The following CHERP variants were observed in gnomAD, a reference collection of about 807,000 sequenced individuals.
The protein encoded by CHERP is calcium homeostasis endoplasmic reticulum protein.
Under a neutral mutation model 113.8 loss-of-function variants are expected in CHERP, and 8 were observed. That is an observed-to-expected ratio of 0.07 (90% CI 0.04 to 0.13). The LOEUF (loss-of-function observed/expected upper bound fraction) is 0.13, where lower values mean the gene tolerates loss of function less well. Among genes scored for constraint, CHERP ranks in the 10% least tolerant of loss-of-function variants. The pLI, the probability that CHERP is intolerant of heterozygous loss-of-function variation, is 1.00. For synonymous variants in CHERP, 559 were observed against 524.5 expected (o/e 1.07, Z -0.90); for missense variants, 884 against 1,298.2 (o/e 0.68, Z 4.90).
intron 5 of CHERP, among the ~76,000 whole-genome samples, chr19:16,531,206 G>A (rs79129627): frequency 0.052 from 7,894 of 152,286 alleles, 286 homozygotes; most frequent in South Asian, 0.065. Context: ...GATATGGGCC[G>A]GCGGGAGCCC....
rs1321623363 is a variant in CHERP at position 16,532,831 on chromosome 19, T to C, written c.523-82A>G. 3.2e-6 allele frequency: 5 copies of C among 1,556,482 alleles called. No individual in the cohort carries two copies. The African/African-American group carries it at 4.0e-5, about 13-fold the overall frequency. On this transcript the variant is annotated intron_variant, in intron 4 of 16. Coordinates refer to ENST00000546361, the MANE Select transcript of CHERP (RefSeq NM_006387.6). The surrounding 1 kb of genome is among the most constrained non-coding windows in gnomAD (Gnocchi z 4.4). ...CTGCATCCCTGAGAGCGCGTCACCA[T>C]CAGCTCAGGGAAGGACACACCATGA...
Position 16,535,751 on chromosome 19 carries a change from AG to A in CHERP, c.200-116del. ...CCTCCCCAGGGACTCACCATCCACGAGGGCCTGTTCATAGCCTCATGCCCAC... is the reference window on the plus strand; with the variant it reads ...CCTCCCCAGGGACTCACCATCCACGAGGCCTGTTCATAGCCTCATGCCCAC... On this transcript the variant is annotated intron_variant, in intron 2 of 16. Transcript: ENST00000546361. The surrounding 1 kb of genome is among the most constrained non-coding windows in gnomAD (Gnocchi z 4.3). 1 of 1,037,528 alleles carries A rather than the reference AG, an allele frequency of 9.6e-7. No individual in the cohort carries two copies. The highest frequency in any genetic ancestry group is 1.4e-6 in the Non-Finnish European group (1 of 737,614). The allele number at this position is 1,037,528 out of a possible 1,614,324, so 64.3% of individuals were successfully genotyped here. A position where few individuals can be genotyped will look rare whatever the true frequency, so the allele number is the denominator to read the frequency against.
rs747386583 is a variant in CHERP, at chr19:16,520,282, C to T, written c.2346-17G>A. 1.2e-6 allele frequency: 2 copies of T among 1,613,216 alleles called. No individual in the cohort carries two copies. The highest frequency in any genetic ancestry group is 1.7e-5 in the Admixed American group (1 of 59,972). On this transcript the variant is annotated splice_polypyrimidine_tract_variant and intron_variant, in intron 14 of 16. Transcript: ENST00000546361. The surrounding 1 kb of genome is among the most constrained non-coding windows in gnomAD (Gnocchi z 4.0). Reference sequence around the variant, plus strand: ...CTCCGACTTCTGCAGGGAAGGGTGCCCAAGGGTCAGCAGCAGCCAGGCGTC... The same window carrying T: ...CTCCGACTTCTGCAGGGAAGGGTGCTCAAGGGTCAGCAGCAGCCAGGCGTC...
Position 16,535,490 on chromosome 19 carries a change from G to A in CHERP, c.346C>T (p.Leu116Phe). ...DELIQQSQWN[L>F]QQQEQHLLAL... Reference sequence around the variant, plus strand: ...AGCAAGTGCTGCTCCTGCTGCTGGAGGTTCCACTGGCTCTGCTGGATGAGC... The same window carrying A: ...AGCAAGTGCTGCTCCTGCTGCTGGAAGTTCCACTGGCTCTGCTGGATGAGC... Residue 116 changes from leucine to phenylalanine, a missense_variant, in exon 3 of 17, where the codon CTC (leucine) becomes TTC (phenylalanine). Leu to Phe is a conservative substitution (Grantham distance 22). Transcript: ENST00000546361. The surrounding 1 kb of genome is among the most constrained non-coding windows in gnomAD (Gnocchi z 4.3). 6.2e-7 allele frequency: 1 copy of A among 1,610,036 alleles called. No homozygotes were observed. Among genetic ancestry groups the A allele is most frequent in the Non-Finnish European group, 8.5e-7 (1 of 1,178,340 alleles).
intron 2 of CHERP, among the ~76,000 whole-genome samples, chr19:16,538,462 ATCATGAGT>A (rs1322914207): frequency 6.6e-6 from 1 of 152,214 alleles, no homozygotes; most frequent in Non-Finnish European, 1.5e-5. Flanking sequence ...AGGTGGGCGG[ATCATGAGT>A]TCAAGAGATC....
rs1227017763 is a variant in CHERP at position 16,520,338 on chromosome 19, A to G, written c.2345+26T>C. Reference sequence around the variant, plus strand: ...GAGGCCACAGGAAGAGGCCTCAGGCACTGCCCTGAGGCAGCCTCTGCCTAC... The same window carrying G: ...GAGGCCACAGGAAGAGGCCTCAGGCGCTGCCCTGAGGCAGCCTCTGCCTAC... On this transcript the variant is annotated intron_variant, in intron 14 of 16. Coordinates refer to ENST00000546361, the MANE Select transcript of CHERP (RefSeq NM_006387.6). This position sits in a 1 kb window ranked among gnomAD's most constrained non-coding sequence, Gnocchi z 4.0. 2 of 1,611,304 alleles carry G rather than the reference A, an allele frequency of 1.2e-6. No homozygotes were observed. The highest frequency in any genetic ancestry group is 2.2e-5 in the East Asian group (1 of 44,868).
intron 2 of CHERP, chr19:16,539,578 T>G (rs2085764324): frequency 6.6e-6 from 1 of 152,142 alleles, no homozygotes; most frequent in Non-Finnish European, 1.5e-5. Context: ...ATCTCAAACC[T>G]AAATAGGCAT....
intron 2 of CHERP, among the ~76,000 whole-genome samples, chr19:16,536,949 T>C (rs887027547): frequency 3.9e-5 from 6 of 152,012 alleles, no homozygotes; most frequent in African/African-American, 7.3e-5. Flanking sequence ...AAGGTGGAGG[T>C]TGCAGTGAGC....
At position 16,520,386 on chromosome 19, in the gene CHERP, A is replaced by C; in HGVS notation, c.2323T>G (p.Ser775Ala). 6.2e-7 allele frequency: 1 copy of C among 1,613,826 alleles called. No homozygotes were observed. The highest frequency in any genetic ancestry group is 8.5e-7 in the Non-Finnish European group (1 of 1,179,930). ...SRSRSRSCSR[S>A]YSRSRSRSRS... ...TACCTAGATCTGGAGCGGGAGTAGGAACGGGAGCAGGAGCGCGACCTTGAC... is the reference window on the plus strand; with the variant it reads ...TACCTAGATCTGGAGCGGGAGTAGGCACGGGAGCAGGAGCGCGACCTTGAC... Residue 775 changes from serine (S) to alanine (A), a missense_variant, in exon 14 of 17, where the codon TCC becomes GCC. By Grantham distance (99) the Ser-to-Ala change is moderately conservative. This residue lies in a region of CHERP where 159 missense variants were observed against 185.8 expected (regional missense o/e 0.86). Coordinates refer to ENST00000546361, the MANE Select transcript of CHERP (RefSeq NM_006387.6). This position sits in a 1 kb window ranked among gnomAD's most constrained non-coding sequence, Gnocchi z 4.0.
intron 8 of CHERP, among the ~76,000 whole-genome samples, chr19:16,528,773 G>GA (rs1199031712): frequency 6.6e-6 from 1 of 152,190 alleles, no homozygotes; most frequent in Non-Finnish European, 1.5e-5. Context: ...CTAACACGGT[G>GA]AAACCCCGTC....
chr19:16,525,188 C>T lies in CHERP; in HGVS notation c.1741+54G>A. On this transcript the variant is annotated intron_variant, in intron 10 of 16. Transcript: ENST00000546361. This position sits in a 1 kb window ranked among gnomAD's most constrained non-coding sequence, Gnocchi z 6.5. ...CAAGCAGCGCCACCAGCCTGCTCGG[C>T]AGGCGAGCCGTGGATGCCTCCGCCA... The T allele has an allele frequency of 7.3e-7, 1 of 1,377,424 alleles. No individual in the cohort carries two copies. The highest frequency in any genetic ancestry group is 1.5e-5 in the African/African-American group (1 of 65,388). The allele number at this position is 1,377,424 out of a possible 1,614,324, so 85.3% of individuals were successfully genotyped here.
In CHERP at chr19:16,533,471, A is replaced by T. The variant is rs1010439325; in HGVS notation, c.385-323T>A. Among the ~76,000 whole-genome samples, 10 of 152,256 alleles carry T rather than the reference A, an allele frequency of 6.6e-5. No individual in the cohort carries two copies. In the East Asian group the frequency reaches 1.9e-3, roughly 29 times the overall value. On this transcript the variant is annotated intron_variant, in intron 3 of 16. Transcript: ENST00000546361. Reference sequence around the variant, plus strand: ...CCTCTGCAAACCAACTCAACAAAAAACAAAGGCGGGGCGCGGTGGCTCATG... The same window carrying T: ...CCTCTGCAAACCAACTCAACAAAAATCAAAGGCGGGGCGCGGTGGCTCATG...
At position 16,520,633 on chromosome 19, in the gene CHERP, C is replaced by T; in HGVS notation, c.2202-126G>A. On this transcript the variant is annotated intron_variant, in intron 13 of 16. Transcript: ENST00000546361. This position sits in a 1 kb window ranked among gnomAD's most constrained non-coding sequence, Gnocchi z 4.0. ...GGCTGTGGATGTGGCGCCATAGCCACAGCAACGGTACCAAGTTCCTAAATA... is the reference window on the plus strand; with the variant it reads ...GGCTGTGGATGTGGCGCCATAGCCATAGCAACGGTACCAAGTTCCTAAATA... The T allele has an allele frequency of 8.0e-7, 1 of 1,243,664 alleles. No homozygotes were observed. Among genetic ancestry groups the T allele is most frequent in the Middle Eastern group, 2.5e-4 (1 of 4,048 alleles). 77.0% of individuals were successfully genotyped at this position (1,243,664 alleles called of 1,614,324 possible).
In CHERP at chr19:16,532,357, G is replaced by A; in HGVS notation, c.674+241C>T. 2 of 483,464 alleles carry A rather than the reference G, an allele frequency of 4.1e-6. No homozygotes were observed. Among genetic ancestry groups the A allele is most frequent in the Non-Finnish European group, 7.3e-6 (2 of 273,116 alleles). The allele number at this position is 483,464 out of a possible 1,614,324, so 29.9% of individuals were successfully genotyped here. A position where few individuals can be genotyped will look rare whatever the true frequency, so the allele number is the denominator to read the frequency against. ...AGGAGACAGCAATGTGACAGGTGAGGCCGGGGTCTAGGGGAGAGGACAGGG... is the reference window on the plus strand; with the variant it reads ...AGGAGACAGCAATGTGACAGGTGAGACCGGGGTCTAGGGGAGAGGACAGGG... On this transcript the variant is annotated intron_variant, in intron 5 of 16. Coordinates refer to ENST00000546361, the MANE Select transcript of CHERP (RefSeq NM_006387.6). The surrounding 1 kb of genome is among the most constrained non-coding windows in gnomAD (Gnocchi z 4.4).
chr19:16,524,906 G>A (rs960804604), intron 10 of CHERP, among the ~76,000 whole-genome samples: 6 of 151,906 alleles, frequency 3.9e-5, no homozygotes, highest in African/African-American at 1.5e-4. Context: ...TTTTTTAAAC[G>A]AACTAATACA....
Position 16,528,749 on chromosome 19 carries a change from C to A in CHERP, c.1130-494G>T, listed in dbSNP as rs181373904. 3.0e-4 allele frequency among the ~76,000 whole-genome samples: 46 copies of A among 152,232 alleles called. No homozygotes were observed. In the South Asian group the frequency reaches 8.3e-3, roughly 27 times the overall value. ...TGGGTGGATCCCAAGGTCAGGAGAT[C>A]GAGACCATCCTGGCTAACACGGTGA... On this transcript the variant is annotated intron_variant, in intron 8 of 16. Coordinates refer to ENST00000546361, the MANE Select transcript of CHERP (RefSeq NM_006387.6).
rs2085633374 is a variant in CHERP, at chr19:16,523,212, G to A, written c.1820C>T (p.Pro607Leu). 12 of 1,594,604 alleles carry A rather than the reference G, an allele frequency of 7.5e-6. No individual in the cohort carries two copies. The highest frequency in any genetic ancestry group is 1.0e-5 in the Non-Finnish European group (12 of 1,172,396). The change falls in exon 11 of 17, where the codon CCC becomes CTC. Residue 607 changes from proline (P) to leucine (L), a missense_variant. This residue lies in a region of CHERP where 464 missense variants were observed against 590.1 expected (regional missense o/e 0.79). Coordinates refer to ENST00000546361, the MANE Select transcript of CHERP (RefSeq NM_006387.6). The surrounding 1 kb of genome is among the most constrained non-coding windows in gnomAD (Gnocchi z 4.0). ...GINEHPPWAG[P>L]QHPDFGPPPH... ...GGGAGGGCCGAAGTCAGGGTGCTGG[G>A]GTCCAGCCCAAGGCGGGTGCTCGTT... is the stretch of plus-strand genomic sequence containing the variant.
Position 16,521,580 on chromosome 19 carries a change from C to T in CHERP, c.2055G>A (p.Arg685=), listed in dbSNP as rs760806418. 9 of 1,608,728 alleles carry T rather than the reference C, an allele frequency of 5.6e-6. No individual in the cohort carries two copies. Among genetic ancestry groups the T allele is most frequent in the Non-Finnish European group, 7.6e-6 (9 of 1,178,002 alleles). ...RLPPPMPPSE[R]LLAAVEAFYS... ...AGAAGGCCTCCACTGCAGCCAGCAG[C>T]CTCTCGCTGGGCGGCATGGGGGGTG... Residue 685 remains arginine, a synonymous_variant, in exon 12 of 17, where the codon AGG becomes AGA. Coordinates refer to ENST00000546361, the MANE Select transcript of CHERP (RefSeq NM_006387.6).
intron 9 of CHERP, among the ~76,000 whole-genome samples, chr19:16,527,315 G>T (rs2085663253): frequency 6.6e-6 from 1 of 152,236 alleles, no homozygotes; most frequent in Non-Finnish European, 1.5e-5. Flanking sequence ...TGTCTTTATG[G>T]GGGTGTCCAA....
Sources: gnomAD v4.1 joint callset for allele counts (sites outside exome capture counted in the v4.1 genomes callset) on GRCh38, gnomAD v4.1.1 for gene constraint, gnomAD v4.1.1 regional missense constraint, Gnocchi (gnomAD v3.1) non-coding constraint, MANE v1.5 for transcripts, NCBI Gene and HGNC (gene_info 2026-07-23, HGNC 2026-07-21) for gene names.